The following FRK variants were observed in gnomAD, a reference collection of about 807,000 sequenced individuals.
FRK encodes the protein tyrosine-protein kinase FRK.
FRK carries 51 observed loss-of-function variants against 56.4 expected under a neutral mutation model. The observed-to-expected ratio is 0.90, with a 90% CI of 0.72 to 1.14. The LOEUF (loss-of-function observed/expected upper bound fraction) is 1.14. FRK is among the 50% of genes most tolerant of loss of function. The pLI is 0.00. For missense variants in FRK, 570 were observed against 601.4 expected, an observed-to-expected ratio of 0.95 and a Z score of 0.55; for synonymous variants, 245 against 217.9, an observed-to-expected ratio of 1.12 and a Z score of -1.10.
At chr6:116,017,274 A>C (rs1385420532) in intron 1 of FRK, among the ~76,000 whole-genome samples, 1 of 152,184 alleles carries the variant, frequency 6.6e-6, no homozygotes, top group East Asian at 1.9e-4. Flanking sequence ...AGTGAACTGC[A>C]ACCTAAATGG....
At chr6:115,962,057 AAT>A (rs1773391044) in intron 4 of FRK, among the ~76,000 whole-genome samples, 1 of 141,204 alleles carries the variant, frequency 7.1e-6, no homozygotes, top group Non-Finnish European at 1.5e-5. Context: ...ATTAACTTTA[AAT>A]ATAAATGGAG....
intron 1 of FRK, chr6:116,039,396 C>A: frequency 2.6e-6 from 4 of 1,567,592 alleles, no homozygotes; most frequent in Non-Finnish European, 3.5e-6. Flanking sequence ...TGGGGGCAAC[C>A]TGCAAGGAGC....
the FRK span, among the ~76,000 whole-genome samples, chr6:116,091,751 G>T: frequency 0.053 from 8,007 of 152,268 alleles, 252 homozygotes; most frequent in Middle Eastern, 0.065. Context: ...TCTGGGAAAG[G>T]GCTCTCTGAC....
At chr6:116,094,419 T>C in the FRK span, among the ~76,000 whole-genome samples, 2 of 152,242 alleles carry the variant, frequency 1.3e-5, no homozygotes, top group African/African-American at 2.4e-5. Flanking sequence ...TCAAGGTCCA[T>C]TACCATCCAA....
chr6:116,080,747 T>C, the FRK span, among the ~76,000 whole-genome samples: 232 of 151,754 alleles, frequency 1.5e-3, 1 homozygote, highest in Middle Eastern at 0.014. Context: ...CTTCTAAGCA[T>C]ATAGCATATG....
rs542324225 is a variant in FRK at position 116,027,138 on chromosome 6, G to T, written c.345-23140C>A. Among the ~76,000 whole-genome samples, 3 of 152,216 alleles carry T rather than the reference G, an allele frequency of 2.0e-5. No individual in the cohort carries two copies. In the South Asian group the frequency reaches 6.2e-4, roughly 32 times the overall value. On this transcript the variant is annotated intron_variant, in intron 1 of 7. Coordinates refer to ENST00000606080, the MANE Select transcript of FRK (RefSeq NM_002031.3). ...ATTGTTACTAATTACTTCACAAAGT[G>T]ATTTTGAGGGCTAATGAGAGAGCAT... is the stretch of plus-strand genomic sequence containing the variant.
chr6:115,977,612 T>C (rs1774035092), intron 2 of FRK, among the ~76,000 whole-genome samples: 1 of 152,180 alleles, frequency 6.6e-6, no homozygotes, highest in African/African-American at 2.4e-5. Flanking sequence ...CTAGGGTCTA[T>C]CAGGGTTGTT....
the FRK span, among the ~76,000 whole-genome samples, chr6:116,098,006 T>A: frequency 6.6e-6 from 1 of 151,644 alleles, no homozygotes; most frequent in Non-Finnish European, 1.5e-5. Flanking sequence ...CAACAAAAAA[T>A]TATTTTCTCA....
the FRK span, among the ~76,000 whole-genome samples, chr6:116,093,999 T>G: frequency 5.3e-5 from 8 of 152,026 alleles, no homozygotes; most frequent in African/African-American, 1.9e-4. Flanking sequence ...AAAAGCAAGA[T>G]AAGAGAAAGG....
At chr6:116,086,571 A>G in the FRK span, among the ~76,000 whole-genome samples, 26,119 of 152,172 alleles carry the variant, frequency 0.17, 2,669 homozygotes, top group African/African-American at 0.28. Flanking sequence ...CACTGATACT[A>G]GTATTTGACA....
At chr6:115,977,442 C>T (rs958339176) in intron 2 of FRK, among the ~76,000 whole-genome samples, 7 of 152,120 alleles carry the variant, frequency 4.6e-5, no homozygotes, top group African/African-American at 1.4e-4. Flanking sequence ...TGGCTCCCAA[C>T]CATGAAAATT....
In FRK at chr6:115,949,784, C is replaced by G. The variant is rs541774509; in HGVS notation, c.959-5359G>C. Among the ~76,000 whole-genome samples the G allele has an allele frequency of 5.3e-5, 8 of 151,608 alleles. No homozygotes were observed. The South Asian group carries it at 1.5e-3, about 27-fold the overall frequency. On this transcript the variant is annotated intron_variant, in intron 5 of 7. Coordinates refer to ENST00000606080, the MANE Select transcript of FRK (RefSeq NM_002031.3). ...TCATGCTACCTGACTTCAAACTATA[C>G]TACAATGCTACAGTAAACAAAACAG... is the stretch of plus-strand genomic sequence containing the variant.
chr6:115,948,272 A>G (rs1045801739), intron 5 of FRK, among the ~76,000 whole-genome samples: 1 of 152,154 alleles, frequency 6.6e-6, no homozygotes. Flanking sequence ...CCCAGGAGGA[A>G]GCGACACCTG....
At chr6:116,046,783 TAAG>T (rs146608133) in intron 1 of FRK, among the ~76,000 whole-genome samples, 4,094 of 152,076 alleles carry the variant, frequency 0.027, 181 homozygotes, top group African/African-American at 0.09. Flanking sequence ...AGTATAATAA[TAAG>T]AAGAAGAATA....
chr6:116,034,728 A>C (rs1456736403), intron 1 of FRK, among the ~76,000 whole-genome samples: 1 of 152,176 alleles, frequency 6.6e-6, no homozygotes, highest in Non-Finnish European at 1.5e-5. Flanking sequence ...ACCATAAAAA[A>C]CAAACTATAA....
chr6:116,094,216 G>A, the FRK span, among the ~76,000 whole-genome samples: 6 of 152,340 alleles, frequency 3.9e-5, no homozygotes, highest in African/African-American at 1.4e-4. Context: ...TGCCCCAGGG[G>A]ACAAAGGTTC....
Position 115,956,456 on chromosome 6 carries a change from G to C in FRK, c.954C>G (p.Leu318=). The C allele has an allele frequency of 6.6e-7, 1 of 1,521,344 alleles. No homozygotes were observed. Among genetic ancestry groups the C allele is most frequent in the Middle Eastern group, 1.8e-4 (1 of 5,476 alleles). 94.2% of individuals were successfully genotyped at this position (1,521,344 alleles called of 1,614,324 possible). The change falls in exon 5 of 8, where the codon CTC becomes CTG. Residue 318 remains leucine (L), a synonymous_variant. Transcript: ENST00000606080. Reference sequence around the variant, plus strand: ...TGTATTAAGTCTTTAGCTTACTTTGGAGATATTCTTGCAGACTTCCATGTC... The same window carrying C: ...TGTATTAAGTCTTTAGCTTACTTTGCAGATATTCTTGCAGACTTCCATGTC... ...LMRHGSLQEY[L]QNDTGSKIHL...
At chr6:116,061,832 A>C (rs536084609), upstream of FRK, among the ~76,000 whole-genome samples, 4 of 152,112 alleles carry the variant, frequency 2.6e-5, no homozygotes, top group East Asian at 5.8e-4. Flanking sequence ...ATGTTGTGAG[A>C]CCCTTGAACC....
intron 1 of FRK, among the ~76,000 whole-genome samples, chr6:116,033,339 C>T (rs1300904886): frequency 6.6e-6 from 1 of 152,136 alleles, no homozygotes; most frequent in African/African-American, 2.4e-5. Flanking sequence ...AAAAAAGACA[C>T]TTTCCCTTTA....
Sources: allele counts gnomAD v4.1 joint callset (sites outside exome capture counted in the v4.1 genomes callset), GRCh38; gene constraint gnomAD v4.1.1; transcripts MANE v1.5; gene names NCBI Gene and HGNC (gene_info 2026-07-23, HGNC 2026-07-21).